The following MYH15 variants were observed in gnomAD, a reference collection of about 807,000 sequenced individuals.
MYH15 encodes myosin heavy chain 15, also known as myosin-15.
MYH15 carries 227 observed loss-of-function variants against 240.5 expected under a neutral mutation model. The ratio of observed to expected loss-of-function variants is 0.94; its 90% CI spans 0.85 to 1.05. The LOEUF (loss-of-function observed/expected upper bound fraction) is 1.05, where lower values mean the gene tolerates loss of function less well. Among genes scored for constraint, MYH15 ranks in the 50% least tolerant of loss-of-function variants. MYH15 has a pLI of 0.00. For synonymous variants in MYH15, 785 were observed against 796.7 expected, an observed-to-expected ratio of 0.99 and a Z score of 0.25; for missense variants, 2,217 against 2,247.5, an observed-to-expected ratio of 0.99 and a Z score of 0.27.
At chr3:108,526,770 C>T (rs1334394338) in intron 1 of MYH15, among the ~76,000 whole-genome samples, 2 of 152,102 alleles carry the variant, frequency 1.3e-5, no homozygotes, top group South Asian at 2.1e-4. Context: ...CCCATCTGAT[C>T]GATGTTGCAA....
At position 108,430,910 on chromosome 3, in the gene MYH15, T is replaced by C. The variant is rs375840214; in HGVS notation, c.3234A>G (p.Glu1078=). ...CCACTTTTGAATTCATCTGACTCAATTCTAATTCTTTTCTGTTTAGAAAAA... is the reference window on the plus strand; with the variant it reads ...CCACTTTTGAATTCATCTGACTCAACTCTAATTCTTTTCTGTTTAGAAAAA... ...LAEELRKKEL[E]LSQMNSKVEN... The change falls in exon 26 of 41, where the codon GAA becomes GAG. Residue 1078 remains glutamate (E), a synonymous_variant. Coordinates refer to ENST00000693548, the MANE Select transcript of MYH15 (RefSeq NM_014981.3). 22 of 1,608,048 alleles carry C rather than the reference T, an allele frequency of 1.4e-5. No individual in the cohort carries two copies. The African/African-American group carries it at 2.7e-4, about 20-fold the overall frequency.
At chr3:108,499,985 G>A (rs2083423671) in intron 4 of MYH15, 133 bp downstream of exon 4, 12 of 1,053,012 alleles carry the variant, frequency 1.1e-5, no homozygotes, top group African/African-American at 1.6e-5. Context: ...TATCCAGAAG[G>A]AAACAGAGGC....
Position 108,441,119 on chromosome 3 carries a change from G to A in MYH15, c.2797C>T (p.Arg933Trp), listed in dbSNP as rs1317895575. The change falls in exon 23 of 41, where the codon CGG (arginine) becomes TGG (tryptophan). Residue 933 changes from arginine to tryptophan, a missense_variant. Coordinates refer to ENST00000693548, the MANE Select transcript of MYH15 (RefSeq NM_014981.3). ...TCAAAACATTCATCTTCGAGTTTCC[G>A]CCCCCTGGCAGTCAGCTCAGAATTT... ...EINSELTARG[R>W]KLEDECFELK... The A allele has an allele frequency of 1.5e-5, 24 of 1,614,026 alleles. No individual in the cohort carries two copies. Among genetic ancestry groups the A allele is most frequent in the East Asian group, 4.5e-5 (2 of 44,872 alleles).
At chr3:108,513,297 T>C (rs1435681598), upstream of MYH15, among the ~76,000 whole-genome samples, 1 of 152,186 alleles carries the variant, frequency 6.6e-6, no homozygotes, top group African/African-American at 2.4e-5. Flanking sequence ...TACTCACACA[T>C]GTTTATCGGA....
intron 9 of MYH15, among the ~76,000 whole-genome samples, chr3:108,490,395 A>G (rs1434535922): frequency 2.0e-5 from 3 of 152,236 alleles, no homozygotes; most frequent in African/African-American, 7.2e-5. Flanking sequence ...ATCTTACCCT[A>G]TGTCCACTTC....
chr3:108,517,715 A>C (rs2083585783), intron 1 of MYH15, among the ~76,000 whole-genome samples: 1 of 152,094 alleles, frequency 6.6e-6, no homozygotes, highest in Admixed American at 6.6e-5. Flanking sequence ...TGATCCACCC[A>C]CCTCGACTTC....
At chr3:108,529,940 G>C (rs2083700981), upstream of MYH15, among the ~76,000 whole-genome samples, 1 of 152,160 alleles carries the variant, frequency 6.6e-6, no homozygotes, top group Non-Finnish European at 1.5e-5. Flanking sequence ...AGAGCTCTGG[G>C]GAACTGCAGA....
rs557658170 is a variant in MYH15, at chr3:108,384,140, T to A, written c.5632-411A>T. On this transcript the variant is annotated intron_variant, in intron 39 of 40. Coordinates refer to ENST00000693548, the MANE Select transcript of MYH15 (RefSeq NM_014981.3). ...ACCTTGGGCTAGAACAGGTAGTGTTTTAGGCCAAATCATTGAAATAATCAA... is the reference window on the plus strand; with the variant it reads ...ACCTTGGGCTAGAACAGGTAGTGTTATAGGCCAAATCATTGAAATAATCAA... Among the ~76,000 whole-genome samples, 162 of 152,294 alleles carry A rather than the reference T, an allele frequency of 1.1e-3. 1 individual carries two copies. Among genetic ancestry groups the A allele is most frequent in the African/African-American group, 3.7e-3 (155 of 41,564 alleles).
chr3:108,431,447 C>A (rs763596695), intron 25 of MYH15, among the ~76,000 whole-genome samples: 69 of 152,210 alleles, frequency 4.5e-4, no homozygotes, highest in Non-Finnish European at 3.8e-4. Flanking sequence ...AAGAGGAGTT[C>A]TCCTGCACAA....
intron 1 of MYH15, among the ~76,000 whole-genome samples, chr3:108,506,509 G>A (rs2083476764): frequency 6.6e-6 from 1 of 152,148 alleles, no homozygotes; most frequent in African/African-American, 2.4e-5. Flanking sequence ...GGTGAAATGA[G>A]CCAGAACTCT....
At chr3:108,489,570 T>A (rs560786525) in intron 9 of MYH15, among the ~76,000 whole-genome samples, 1 of 152,234 alleles carries the variant, frequency 6.6e-6, no homozygotes, top group South Asian at 2.1e-4. Context: ...CTCATGGCCA[T>A]GTAGAGGTCA....
chr3:108,510,301 C>G, intron 1 of MYH15, 142 bp downstream of exon 1: 1 of 1,097,706 alleles, frequency 9.1e-7, no homozygotes, highest in South Asian at 2.2e-5. Flanking sequence ...CCCTCAATTG[C>G]TCAGTTTCCT....
rs75984023 is a variant in MYH15 at position 108,458,211 on chromosome 3, C to G, written c.2020+1151G>C. ...TTATGACTTTAAGAAAAAAACCAAA[C>G]CTGCTGAAATCCAAGTTGACTCGAT... On this transcript the variant is annotated intron_variant, in intron 18 of 40. Transcript: ENST00000693548. 5.0e-3 allele frequency among the ~76,000 whole-genome samples: 758 copies of G among 152,182 alleles called. 10 individuals are homozygous for G. The highest frequency in any genetic ancestry group is 0.017 in the African/African-American group (717 of 41,510).
chr3:108,410,883 C>A lies in MYH15; in HGVS notation c.4195G>T (p.Ala1399Ser). Residue 1399 changes from alanine to serine, a missense_variant, in exon 31 of 41, where the codon GCC (alanine) becomes TCC (serine). Ala to Ser is a moderately conservative substitution (Grantham distance 99). Transcript: ENST00000693548. Reference sequence around the variant, plus strand: ...TCCAAGGAGGCATTTCTGGCATTGGCCACCCCCATGGCTTCGGCTGCCTCC... The same window carrying A: ...TCCAAGGAGGCATTTCTGGCATTGGACACCCCCATGGCTTCGGCTGCCTCC... ...LQEAAEAMGV[A>S]NARNASLERA... 2 of 1,610,604 alleles carry A rather than the reference C, an allele frequency of 1.2e-6. No homozygotes were observed. Among genetic ancestry groups the A allele is most frequent in the Non-Finnish European group, 1.7e-6 (2 of 1,177,200 alleles).
intron 37 of MYH15, 103 bp from the exon 38 acceptor site, chr3:108,389,177 C>T (rs913129275): frequency 2.1e-6 from 2 of 948,854 alleles, no homozygotes; most frequent in African/African-American, 3.3e-5. Flanking sequence ...GTCAAGGGAA[C>T]ATGCACACAC....
In MYH15 at chr3:108,463,111, C is replaced by A; in HGVS notation, c.1864G>T (p.Ala622Ser). The A allele has an allele frequency of 6.2e-7, 1 of 1,602,628 alleles. No individual in the cohort carries two copies. The highest frequency in any genetic ancestry group is 8.5e-7 in the Non-Finnish European group (1 of 1,176,812). ...LFENYMSTDS[A>S]IPFGEKKRKK... Reference sequence around the variant, plus strand: ...AATCAAGGAAGATTGTATGACTCACCACTGTCAGTACTCATGTAATTTTCA... The same window carrying A: ...AATCAAGGAAGATTGTATGACTCACAACTGTCAGTACTCATGTAATTTTCA... The change falls in exon 16 of 41, where the codon GCT becomes TCT. Residue 622 changes from alanine (A) to serine (S), a missense_variant and splice_region_variant. Ala to Ser is a moderately conservative substitution (Grantham distance 99, BLOSUM62 1). Coordinates refer to ENST00000693548, the MANE Select transcript of MYH15 (RefSeq NM_014981.3).
At chr3:108,389,146 TCATTTGAAAGA>T in intron 37 of MYH15, 72 bp from the exon 38 acceptor site, 1 of 1,358,782 alleles carries the variant, frequency 7.4e-7, no homozygotes, top group Non-Finnish European at 1.0e-6. Context: ...ATTGGCACAA[TCATTTGAAAGA>T]CAGCAAAGTG....
Position 108,414,326 on chromosome 3 carries a change from G to A in MYH15, c.4051C>T (p.Arg1351Trp), listed in dbSNP as rs373059438. Reference protein sequence around the residue: ...EEQEVKAELHRTLSKVNAEMV... With the variant: ...EEQEVKAELHWTLSKVNAEMV... ...TCAGCATTGACTTTGGATAAGGTCC[G>A]GTGCAGCTCAGCCTTGACCTCTTGT... Residue 1351 changes from arginine to tryptophan, a missense_variant, in exon 30 of 41, where the codon CGG becomes TGG. Physicochemically the swap from Arg to Trp is moderately radical, Grantham distance 101. Coordinates refer to ENST00000693548, the MANE Select transcript of MYH15 (RefSeq NM_014981.3). The A allele has an allele frequency of 5.1e-5, 83 of 1,613,968 alleles. 1 individual carries two copies. The highest frequency in any genetic ancestry group is 2.1e-4 in the South Asian group (19 of 91,080).
At chr3:108,383,840 C>G in intron 39 of MYH15, 111 bp from the exon 40 acceptor site, 1 of 864,706 alleles carries the variant, frequency 1.2e-6, no homozygotes. Context: ...ATCTAAACTT[C>G]TGAGTATTGA....
Sources: gnomAD v4.1 joint callset for allele counts (sites outside exome capture counted in the v4.1 genomes callset) on GRCh38, gnomAD v4.1.1 for gene constraint, MANE v1.5 for transcripts, NCBI Gene and HGNC (gene_info 2026-07-23, HGNC 2026-07-21) for gene names.